HECW1: variants seen among roughly 807,000 people sequenced by gnomAD.
HECW1 encodes the protein HECT, C2 and WW domain containing E3 ubiquitin protein ligase 1, also known as E3 ubiquitin-protein ligase HECW1.
HECW1 carries 61 observed loss-of-function variants against 182.3 expected under a neutral mutation model. The observed-to-expected ratio is 0.33, with a 90% CI of 0.27 to 0.41. The LOEUF (loss-of-function observed/expected upper bound fraction) is 0.41. HECW1 is among the 10% of genes least tolerant of loss of function. The probability of loss-of-function intolerance (pLI) is 1.00; values close to 1 mark genes in which losing one functional copy is unlikely to be tolerated. For missense variants in HECW1, 1,739 were observed against 2,108.9 expected (o/e 0.82, Z 3.44); for synonymous variants, 859 against 832.6 (o/e 1.03, Z -0.55).
At chr7:43,202,218 G>C (rs78771173) in intron 2 of HECW1, among the ~76,000 whole-genome samples, 8 of 152,272 alleles carry the variant, frequency 5.3e-5, no homozygotes, top group African/African-American at 1.7e-4. Context: ...ACAGAGTCTT[G>C]TACTAGAGTC....
chr7:43,411,232 T>C (rs2075794103), intron 8 of HECW1, among the ~76,000 whole-genome samples: 1 of 152,184 alleles, frequency 6.6e-6, no homozygotes, highest in Non-Finnish European at 1.5e-5. Flanking sequence ...ATATTCCTTC[T>C]TTGACCCATG....
At chr7:43,161,561 C>T (rs1350062536) in intron 2 of HECW1, 1 of 152,050 alleles carries the variant, frequency 6.6e-6, no homozygotes, top group Non-Finnish European at 1.5e-5. Context: ...CAGTGAGACA[C>T]ATTTTCTCTG....
intron 8 of HECW1, among the ~76,000 whole-genome samples, chr7:43,429,609 T>A (rs1010943680): frequency 2.0e-5 from 3 of 152,150 alleles, no homozygotes; most frequent in African/African-American, 7.2e-5. Context: ...AATGTCATTT[T>A]TAAACCTAAT....
At chr7:43,460,878 G>A (rs561905602) in intron 13 of HECW1, among the ~76,000 whole-genome samples, 1 of 152,180 alleles carries the variant, frequency 6.6e-6, no homozygotes, top group Non-Finnish European at 1.5e-5. Flanking sequence ...TGAGGCTGTT[G>A]ACTCAGTAAG....
intron 17 of HECW1, among the ~76,000 whole-genome samples, chr7:43,491,687 G>A (rs2152918881): frequency 6.6e-6 from 1 of 152,216 alleles, no homozygotes; most frequent in African/African-American, 2.4e-5. Flanking sequence ...CTACCTCCCA[G>A]GTTCAAGTGA....
chr7:43,556,291 G>A (rs1361553214), intron 29 of HECW1, among the ~76,000 whole-genome samples: 1 of 152,196 alleles, frequency 6.6e-6, no homozygotes, highest in Non-Finnish European at 1.5e-5. Flanking sequence ...GGGAATGGCA[G>A]CACGTGTTCA....
intron 5 of HECW1, among the ~76,000 whole-genome samples, chr7:43,339,820 T>C (rs913862540): frequency 3.3e-5 from 5 of 152,112 alleles, no homozygotes; most frequent in Non-Finnish European, 5.9e-5. Context: ...TTAGGACCCC[T>C]CTCAAGGGCT....
chr7:43,152,219 G>A (rs1003629167), intron 2 of HECW1, among the ~76,000 whole-genome samples: 27 of 152,154 alleles, frequency 1.8e-4, no homozygotes, highest in Non-Finnish European at 3.5e-4. Context: ...AAATGTTCAA[G>A]GACCTATACC....
At chr7:43,375,779 G>A (rs1174355322) in intron 6 of HECW1, among the ~76,000 whole-genome samples, 2 of 151,042 alleles carry the variant, frequency 1.3e-5, no homozygotes, top group Admixed American at 1.3e-4. Flanking sequence ...TGTAATCCCA[G>A]CTACTGGAGG....
intron 15 of HECW1, among the ~76,000 whole-genome samples, chr7:43,467,754 G>A (rs373938922): frequency 6.6e-5 from 10 of 152,148 alleles, no homozygotes; most frequent in Non-Finnish European, 1.0e-4. Flanking sequence ...CCGTGATCAC[G>A]AGTGGGTGCA....
intron 2 of HECW1, among the ~76,000 whole-genome samples, chr7:43,221,942 T>C (rs1797020842): frequency 6.6e-6 from 1 of 152,186 alleles, no homozygotes; most frequent in South Asian, 2.1e-4. Context: ...CAGATCCTCG[T>C]TACTCAAAAT....
At chr7:43,242,472 G>C (rs1798979375) in intron 2 of HECW1, among the ~76,000 whole-genome samples, 1 of 152,216 alleles carries the variant, frequency 6.6e-6, no homozygotes, top group African/African-American at 2.4e-5. Context: ...CTAAGCGGCA[G>C]AGGAACCATG....
intron 6 of HECW1, among the ~76,000 whole-genome samples, chr7:43,378,443 C>T (rs745613448): frequency 6.6e-5 from 10 of 152,240 alleles, no homozygotes; most frequent in Non-Finnish European, 1.0e-4. Flanking sequence ...GGAGCTCTCT[C>T]AGATAACCTG....
intron 3 of HECW1, among the ~76,000 whole-genome samples, chr7:43,250,435 G>A (rs1204867263): frequency 6.6e-6 from 1 of 152,206 alleles, no homozygotes; most frequent in African/African-American, 2.4e-5. Context: ...ACAGCTGTTA[G>A]CAAACAGGTC....
intron 2 of HECW1, among the ~76,000 whole-genome samples, chr7:43,224,607 C>T (rs181305675): frequency 6.6e-6 from 1 of 152,266 alleles, no homozygotes; most frequent in East Asian, 1.9e-4. Flanking sequence ...ATTGCTCGAG[C>T]CCAGGAGTTC....
At chr7:43,285,557 C>T (rs1804536132) in intron 3 of HECW1, among the ~76,000 whole-genome samples, 1 of 152,150 alleles carries the variant, frequency 6.6e-6, no homozygotes, top group Admixed American at 6.5e-5. Flanking sequence ...CACCTATAAT[C>T]CCAGCACTTT....
At chr7:43,211,662 C>T (rs917178369) in intron 2 of HECW1, among the ~76,000 whole-genome samples, 1 of 152,210 alleles carries the variant, frequency 6.6e-6, no homozygotes, top group African/African-American at 2.4e-5. Context: ...CATAATAACC[C>T]TTCACAAAAG....
intron 3 of HECW1, among the ~76,000 whole-genome samples, chr7:43,286,392 A>T (rs1364718360): frequency 6.6e-6 from 1 of 152,078 alleles, no homozygotes; most frequent in Non-Finnish European, 1.5e-5. Context: ...GGGTCCTCAA[A>T]CCTTCAGAGA....
chr7:43,307,876 C>CTATATATATATATACA (rs1159882535), intron 3 of HECW1, among the ~76,000 whole-genome samples: 14 of 127,596 alleles, frequency 1.1e-4, no homozygotes, highest in African/African-American at 4.2e-4. Flanking sequence ...AATCATTTCA[C>CTATATATATATATACA]TATATATATA....
Sources: allele counts gnomAD v4.1 joint callset (sites outside exome capture counted in the v4.1 genomes callset), GRCh38; gene constraint gnomAD v4.1.1; transcripts MANE v1.5; gene names NCBI Gene and HGNC (gene_info 2026-07-23, HGNC 2026-07-21).